AMER3: variants seen among roughly 807,000 people sequenced by gnomAD.
AMER3 encodes the protein family with sequence similarity 123C.
For synonymous variants in AMER3, 541 were observed against 485.5 expected, an observed-to-expected ratio of 1.11 and a Z score of -1.50; for missense variants, 1,201 against 1,139.4, an observed-to-expected ratio of 1.05 and a Z score of -0.78.
chr2:130,767,576 T>G lies in AMER3; in HGVS notation c.*2918T>G, dbSNP rs1289521057. 6.0e-6 allele frequency: 1 copy of G among 166,956 alleles called. No individual in the cohort carries two copies. Among genetic ancestry groups the G allele is most frequent in the Non-Finnish European group, 1.5e-5 (1 of 68,180 alleles). 10.3% of individuals were successfully genotyped at this position (166,956 alleles called of 1,614,324 possible). A position where few individuals can be genotyped will look rare whatever the true frequency, so the allele number is the denominator to read the frequency against. ...GGCCTGCTGCAAGCAGGACACAGGC[T>G]GCACATCACAGGTTCCAAAGTGTGC... On this transcript the variant is annotated 3_prime_UTR_variant, in exon 2 of 2. Transcript: ENST00000321420.
intron 1 of AMER3, among the ~76,000 whole-genome samples, chr2:130,756,538 G>C (rs1167441977): frequency 6.6e-6 from 1 of 152,148 alleles, no homozygotes; most frequent in Non-Finnish European, 1.5e-5. Context: ...GCGGTTCCCG[G>C]CGCAGTCAGG....
chr2:130,760,451 G>C (rs1380713555), intron 1 of AMER3, among the ~76,000 whole-genome samples: 1 of 152,210 alleles, frequency 6.6e-6, no homozygotes, highest in Non-Finnish European at 1.5e-5. Context: ...AGCTTACTTG[G>C]GGTGGGGTGT....
rs1318977672 is a variant in AMER3, at chr2:130,767,973, G to A, written c.*3315G>A. On this transcript the variant is annotated 3_prime_UTR_variant, in exon 2 of 2. Coordinates refer to ENST00000321420, the MANE Select transcript of AMER3 (RefSeq NM_152698.3). ...CAGCCCTTCCTGCTTTCAGGCTCCA[G>A]ATGTCAGAGCACCCTTGGGTGCCAG... The A allele has an allele frequency of 6.0e-6, 1 of 167,076 alleles. No homozygotes were observed. The highest frequency in any genetic ancestry group is 1.5e-5 in the Non-Finnish European group (1 of 68,154). The allele number at this position is 167,076 out of a possible 1,614,324, so 10.3% of individuals were successfully genotyped here.
At position 130,763,681 on chromosome 2, in the gene AMER3, C is replaced by T; in HGVS notation, c.1609C>T (p.Pro537Ser). 6.5e-7 allele frequency: 1 copy of T among 1,533,286 alleles called. No individual in the cohort carries two copies. Among genetic ancestry groups the T allele is most frequent in the Non-Finnish European group, 8.7e-7 (1 of 1,143,732 alleles). The allele number at this position is 1,533,286 out of a possible 1,614,324, so 95.0% of individuals were successfully genotyped here. ...AGCTCCACCTGGTTCCCAGGGAGCC[C>T]CTAGGGCACCCACAGAGAAGCTGGG... ...PAAPPGSQGA[P>S]RAPTEKLGGR... The change falls in exon 2 of 2, where the codon CCT (proline) becomes TCT (serine). Residue 537 changes from proline to serine, a missense_variant. Transcript: ENST00000321420.
chr2:130,758,270 A>G (rs1261889770), intron 1 of AMER3, among the ~76,000 whole-genome samples: 1 of 152,112 alleles, frequency 6.6e-6, no homozygotes, highest in Non-Finnish European at 1.5e-5. Flanking sequence ...AGGCTGAAGC[A>G]GGGGAATCGC....
chr2:130,762,337 G>C lies in AMER3; in HGVS notation c.265G>C (p.Val89Leu). The stretch of plus-strand genomic sequence containing the variant: ...CCTCTGTGGAGCCACCTTCAAACCG[G>C]TGCGAAAGTGCAAGACTCACGACAG... The part of the protein sequence containing the change: ...AALCGATFKP[V>L]RKCKTHDSMS... Residue 89 changes from valine to leucine, a missense_variant, in exon 2 of 2, where the codon GTG (valine) becomes CTG (leucine). Coordinates refer to ENST00000321420, the MANE Select transcript of AMER3 (RefSeq NM_152698.3). The C allele has an allele frequency of 6.2e-7, 1 of 1,611,188 alleles. No homozygotes were observed. The highest frequency in any genetic ancestry group is 2.2e-5 in the East Asian group (1 of 44,818).
intron 1 of AMER3, among the ~76,000 whole-genome samples, chr2:130,757,715 C>T (rs1428888295): frequency 6.6e-6 from 1 of 152,246 alleles, no homozygotes; most frequent in Admixed American, 6.5e-5. Flanking sequence ...TTAAATATCA[C>T]ATCCCTGTAA....
chr2:130,758,861 C>G (rs1477428030), intron 1 of AMER3, among the ~76,000 whole-genome samples: 1 of 152,242 alleles, frequency 6.6e-6, no homozygotes, highest in Non-Finnish European at 1.5e-5. Context: ...ATTTTTGCAA[C>G]TGAGAACCTG....
Position 130,763,250 on chromosome 2 carries a change from C to T in AMER3, c.1178C>T (p.Pro393Leu), listed in dbSNP as rs1206881487. 6.2e-7 allele frequency: 1 copy of T among 1,613,902 alleles called. No homozygotes were observed. The highest frequency in any genetic ancestry group is 8.5e-7 in the Non-Finnish European group (1 of 1,180,030). Residue 393 changes from proline (P) to leucine (L), a missense_variant, in exon 2 of 2, where the codon CCA becomes CTA. Coordinates refer to ENST00000321420, the MANE Select transcript of AMER3 (RefSeq NM_152698.3). ...GAGGGCTACTATGATTCCTTCTCGC[C>T]AGGACTTGAGGAGGACAAGAAGGAA... The part of the protein sequence containing the change: ...SDEGYYDSFS[P>L]GLEEDKKEAE...
chr2:130,759,431 A>C (rs1159178100), intron 1 of AMER3, among the ~76,000 whole-genome samples: 1 of 152,254 alleles, frequency 6.6e-6, no homozygotes, highest in East Asian at 1.9e-4. Context: ...AATTCTGCAC[A>C]AGGTGAAATA....
chr2:130,761,011 A>G (rs939411954), intron 1 of AMER3, among the ~76,000 whole-genome samples: 3 of 152,016 alleles, frequency 2.0e-5, no homozygotes, highest in Non-Finnish European at 2.9e-5. Context: ...TGCAGCCGCC[A>G]TCTGCCTTGC....
chr2:130,767,204 G>A lies in AMER3; in HGVS notation c.*2546G>A. The A allele has an allele frequency of 6.0e-6, 1 of 167,330 alleles. No homozygotes were observed. 10.4% of individuals were successfully genotyped at this position (167,330 alleles called of 1,614,324 possible). On this transcript the variant is annotated 3_prime_UTR_variant, in exon 2 of 2. Transcript: ENST00000321420. ...GCCAGTGTCAGGCCAGCAGGTGCAG[G>A]GACAGATGGGCCATCCACATTCTCC... is the stretch of plus-strand genomic sequence containing the variant.
In AMER3 at chr2:130,762,127, G is replaced by A. The variant is rs757285578; in HGVS notation, c.55G>A (p.Glu19Lys). The change falls in exon 2 of 2, where the codon GAG becomes AAG. Residue 19 changes from glutamate (E) to lysine (K), a missense_variant. By Grantham distance (56) the Glu-to-Lys change is moderately conservative (BLOSUM62 1). Transcript: ENST00000321420. ...CAAGTCCAGCCTGCAGGTTTCCCACGAGAAACCCCCAGACCCAGCAGCCGT... is the reference window on the plus strand; with the variant it reads ...CAAGTCCAGCCTGCAGGTTTCCCACAAGAAACCCCCAGACCCAGCAGCCGT... The part of the protein sequence containing the change: ...FIKSSLQVSH[E>K]KPPDPAAVAA... 9.3e-6 allele frequency: 15 copies of A among 1,610,750 alleles called. No individual in the cohort carries two copies. The highest frequency in any genetic ancestry group is 2.2e-5 in the East Asian group (1 of 44,856).
rs1678848375 is a variant in AMER3, at chr2:130,763,074, G to A, written c.1002G>A (p.Gly334=). Residue 334 remains glycine (G), a synonymous_variant, in exon 2 of 2, where the codon GGG becomes GGA. Transcript: ENST00000321420. ...LLGPWLSGPQ[G]TDRDQSRLDT... ...GCCCGTGGCTTTCAGGCCCCCAGGG[G>A]ACAGACAGGGACCAATCCCGGCTGG... The A allele has an allele frequency of 7.4e-6, 12 of 1,613,404 alleles. No individual in the cohort carries two copies. Among genetic ancestry groups the A allele is most frequent in the Non-Finnish European group, 1.0e-5 (12 of 1,180,004 alleles).
At chr2:130,759,131 T>A (rs1362943661) in intron 1 of AMER3, among the ~76,000 whole-genome samples, 1 of 152,232 alleles carries the variant, frequency 6.6e-6, no homozygotes, top group African/African-American at 2.4e-5. Flanking sequence ...GATGCTCCAG[T>A]ATTGCTAAGC....
chr2:130,764,554 A>T lies in AMER3; in HGVS notation c.2482A>T (p.Ser828Cys). ...CCAGCAGGAAGGGGGGGTCTCTGCA[A>T]GTGCCCCAGAATGCCGCTGCAGCCT... Reference protein sequence around the residue: ...NSQQEGGVSASAPECRCSLLA... With the variant: ...NSQQEGGVSACAPECRCSLLA... Residue 828 changes from serine (S) to cysteine (C), a missense_variant, in exon 2 of 2, where the codon AGT (serine) becomes TGT (cysteine). Ser to Cys is a moderately radical substitution (Grantham distance 112, BLOSUM62 -1). Transcript: ENST00000321420. The T allele has an allele frequency of 1.2e-6, 2 of 1,604,532 alleles. No individual in the cohort carries two copies. Among genetic ancestry groups the T allele is most frequent in the Non-Finnish European group, 1.7e-6 (2 of 1,176,324 alleles).
chr2:130,762,231 C>T lies in AMER3; in HGVS notation c.159C>T (p.Pro53=). Residue 53 remains proline (P), a synonymous_variant, in exon 2 of 2, where the codon CCC becomes CCT. Coordinates refer to ENST00000321420, the MANE Select transcript of AMER3 (RefSeq NM_152698.3). The part of the protein sequence containing the change: ...GQQRPHSEKG[P]QASPSAQEYD... The stretch of plus-strand genomic sequence containing the variant: ...AGAGGCCCCACAGTGAGAAGGGCCC[C>T]CAAGCCAGCCCCAGTGCCCAAGAAT... 6.3e-7 allele frequency: 1 copy of T among 1,578,254 alleles called. No homozygotes were observed.
Position 130,764,670 on chromosome 2 carries a change from A to G in AMER3, c.*12A>G, listed in dbSNP as rs1007438294. 2.5e-6 allele frequency: 4 copies of G among 1,586,424 alleles called. No individual in the cohort carries two copies. Among genetic ancestry groups the G allele is most frequent in the Non-Finnish European group, 3.4e-6 (4 of 1,169,508 alleles). On this transcript the variant is annotated 3_prime_UTR_variant, in exon 2 of 2. Coordinates refer to ENST00000321420, the MANE Select transcript of AMER3 (RefSeq NM_152698.3). Reference sequence around the variant, plus strand: ...AGCCCCATCTGTAGGACAGGCTCACATGCACCAGGAACTGCATGTGTCTTC... The same window carrying G: ...AGCCCCATCTGTAGGACAGGCTCACGTGCACCAGGAACTGCATGTGTCTTC...
rs555917912 is a variant in AMER3, at chr2:130,763,114, G to A, written c.1042G>A (p.Ala348Thr). 6.4e-5 allele frequency: 104 copies of A among 1,613,086 alleles called. No individual in the cohort carries two copies. The South Asian group carries it at 7.6e-4, about 12-fold the overall frequency. ...ATCCCGGCTGGACACAGCTGGGCTCGCTGAGCTGCCCCTCTGCCCCTGCAG... is the reference window on the plus strand; with the variant it reads ...ATCCCGGCTGGACACAGCTGGGCTCACTGAGCTGCCCCTCTGCCCCTGCAG... ...DQSRLDTAGL[A>T]ELPLCPCRDP... Residue 348 changes from alanine to threonine, a missense_variant, in exon 2 of 2, where the codon GCT (alanine) becomes ACT (threonine). Ala to Thr is a moderately conservative substitution (Grantham distance 58, BLOSUM62 0). Transcript: ENST00000321420.
Sources: gnomAD v4.1 joint callset for allele counts (sites outside exome capture counted in the v4.1 genomes callset) on GRCh38, gnomAD v4.1.1 for gene constraint, MANE v1.5 for transcripts, NCBI Gene and HGNC (gene_info 2026-07-23, HGNC 2026-07-21) for gene names.